The following SLC24A2 variants were observed in gnomAD, a reference collection of about 807,000 sequenced individuals.
SLC24A2 encodes the protein sodium/potassium/calcium exchanger 2.
A neutral mutation model predicts 62.0 loss-of-function variants in SLC24A2; 36 were observed. That is an observed-to-expected ratio of 0.58 (90% CI 0.44 to 0.77). The LOEUF is 0.77. SLC24A2 is among the 30% of genes least tolerant of loss of function. SLC24A2 has a pLI of 0.00. For missense variants in SLC24A2, 846 were observed against 817.9 expected, an observed-to-expected ratio of 1.03 and a Z score of -0.42; for synonymous variants, 358 against 294.0, an observed-to-expected ratio of 1.22 and a Z score of -2.23.
At chr9:20,214,645 T>A in the SLC24A2 span, among the ~76,000 whole-genome samples, 1 of 151,742 alleles carries the variant, frequency 6.6e-6, no homozygotes, top group Non-Finnish European at 1.5e-5. Flanking sequence ...AAAAAATTGT[T>A]AAAAGGGTAA....
chr9:19,552,011 T>C (rs796751301), intron 7 of SLC24A2, among the ~76,000 whole-genome samples: 7 of 152,364 alleles, frequency 4.6e-5, no homozygotes, highest in African/African-American at 1.7e-4. Context: ...ATGGTGGAAT[T>C]AAAGGGATTA....
the SLC24A2 span, among the ~76,000 whole-genome samples, chr9:19,850,138 T>C: frequency 6.6e-6 from 1 of 151,982 alleles, no homozygotes; most frequent in Non-Finnish European, 1.5e-5. Flanking sequence ...TGTACACTTA[T>C]AAAGACCTTA....
chr9:19,547,031 G>T (rs1361406602), intron 8 of SLC24A2, among the ~76,000 whole-genome samples: 1 of 152,240 alleles, frequency 6.6e-6, no homozygotes, highest in South Asian at 2.1e-4. Flanking sequence ...CTTCTGTGGC[G>T]ATCTCGCTGG....
At chr9:19,842,021 C>A in the SLC24A2 span, among the ~76,000 whole-genome samples, 1 of 152,310 alleles carries the variant, frequency 6.6e-6, no homozygotes, top group South Asian at 2.1e-4. Context: ...AAGATGGAAT[C>A]CTGGATATGC....
intron 3 of SLC24A2, 36 bp from the exon 4 acceptor site, chr9:19,619,728 G>C (rs2117892919): frequency 1.3e-6 from 2 of 1,499,432 alleles, no homozygotes; most frequent in Non-Finnish European, 1.9e-6. Flanking sequence ...TTAGTCTCAG[G>C]AATGAAAGAC....
the SLC24A2 span, among the ~76,000 whole-genome samples, chr9:19,991,437 C>T: frequency 6.6e-6 from 1 of 152,148 alleles, no homozygotes; most frequent in Non-Finnish European, 1.5e-5. Context: ...GGTGGGTCTG[C>T]CTCTCCCAGT....
chr9:19,735,174 A>C (rs1262175947), intron 2 of SLC24A2, among the ~76,000 whole-genome samples: 1 of 152,082 alleles, frequency 6.6e-6, no homozygotes, highest in Non-Finnish European at 1.5e-5. Context: ...GAAAAAAAAA[A>C]CCCCATCAAC....
chr9:20,266,517 C>T, the SLC24A2 span, among the ~76,000 whole-genome samples: 6 of 151,838 alleles, frequency 4.0e-5, no homozygotes, highest in Non-Finnish European at 7.4e-5. Context: ...AACTGCTTTT[C>T]AAGTTTCCAC....
chr9:19,529,991 G>A (rs1260126315), intron 8 of SLC24A2, among the ~76,000 whole-genome samples: 2 of 151,272 alleles, frequency 1.3e-5, no homozygotes, highest in Non-Finnish European at 2.9e-5. Context: ...GACCTCAGAT[G>A]ATCTGCCTGC....
chr9:20,042,516 G>T, the SLC24A2 span, among the ~76,000 whole-genome samples: 1 of 152,188 alleles, frequency 6.6e-6, no homozygotes, highest in African/African-American at 2.4e-5. Context: ...CTGAGTCATG[G>T]GAGAAAGCAC....
chr9:20,001,218 G>T, the SLC24A2 span, among the ~76,000 whole-genome samples: 6 of 152,220 alleles, frequency 3.9e-5, no homozygotes, highest in Non-Finnish European at 5.9e-5. Context: ...CCAGCAATGA[G>T]TGGGCTGAGG....
the SLC24A2 span, among the ~76,000 whole-genome samples, chr9:20,229,783 G>A: frequency 6.6e-6 from 1 of 151,454 alleles, no homozygotes; most frequent in African/African-American, 2.4e-5. Context: ...TGCACAACGT[G>A]CAGGTTTGTT....
intron 2 of SLC24A2, among the ~76,000 whole-genome samples, chr9:19,636,313 T>TC (rs1564009614): frequency 0.14 from 3,011 of 20,976 alleles, 361 homozygotes; most frequent in East Asian, 0.28. Flanking sequence ...TCTTTTCTTT[T>TC]CTTTTCTTTC....
intron 5 of SLC24A2, among the ~76,000 whole-genome samples, chr9:19,595,060 G>A (rs1050049969): frequency 3.3e-5 from 5 of 152,184 alleles, no homozygotes; most frequent in African/African-American, 1.2e-4. Flanking sequence ...AGAGGTTCCT[G>A]TTCTAGGTGA....
chr9:19,863,192 A>G, the SLC24A2 span, among the ~76,000 whole-genome samples: 1 of 152,070 alleles, frequency 6.6e-6, no homozygotes, highest in African/African-American at 2.4e-5. Flanking sequence ...AGAATATTTA[A>G]CAATTTTAAA....
chr9:19,732,090 C>G (rs987564248), intron 2 of SLC24A2, among the ~76,000 whole-genome samples: 4 of 134,136 alleles, frequency 3.0e-5, no homozygotes, highest in African/African-American at 1.2e-4. Flanking sequence ...CAATATAAGA[C>G]CTTAAAGAAC....
the SLC24A2 span, among the ~76,000 whole-genome samples, chr9:20,021,760 C>G: frequency 6.6e-6 from 1 of 152,054 alleles, no homozygotes; most frequent in African/African-American, 2.4e-5. Context: ...ACCTAATAAT[C>G]ATTTACTTAT....
the SLC24A2 span, among the ~76,000 whole-genome samples, chr9:20,095,832 G>A: frequency 3.5e-4 from 54 of 152,214 alleles, no homozygotes; most frequent in African/African-American, 1.2e-3. Flanking sequence ...GGTGGAAGGC[G>A]AAAGGCAAGT....
At chr9:19,755,484 G>A (rs920363167) in intron 2 of SLC24A2, among the ~76,000 whole-genome samples, 1 of 152,164 alleles carries the variant, frequency 6.6e-6, no homozygotes, top group African/African-American at 2.4e-5. Flanking sequence ...AAACATAATT[G>A]TATCTACCGT....
Sources: gnomAD v4.1 joint callset for allele counts (sites outside exome capture counted in the v4.1 genomes callset) on GRCh38, gnomAD v4.1.1 for gene constraint, MANE v1.5 for transcripts, NCBI Gene and HGNC (gene_info 2026-07-23, HGNC 2026-07-21) for gene names.